Variants in TENM1 observed in about 807,000 individuals in gnomAD.
The protein encoded by TENM1 is teneurin transmembrane protein 1.
TENM1 carries 35 observed loss-of-function variants against 174.8 expected under a neutral mutation model. The ratio of observed to expected loss-of-function variants is 0.20; its 90% CI spans 0.15 to 0.27. The LOEUF is 0.27. Ranked by LOEUF, TENM1 falls within the 10% of genes least tolerant of loss-of-function variation. The probability of loss-of-function intolerance (pLI) is 1.00; values close to 1 mark genes in which losing one functional copy is unlikely to be tolerated. For missense variants in TENM1, 1,633 were observed against 2,130.1 expected (o/e 0.77, Z 4.59); for synonymous variants, 781 against 798.7 (o/e 0.98, Z 0.37).
Position 124,752,013 on chromosome X carries a change from G to C in TENM1, c.536-14816C>G, listed in dbSNP as rs1422988710. ...GTCCTTTGGGTATATACCCAGTAAT[G>C]GGATGGCTGGGTCAAATGGTATTTC... On this transcript the variant is annotated intron_variant, in intron 3 of 31. Transcript: ENST00000422452. 2.7e-5 allele frequency among the ~76,000 whole-genome samples: 3 copies of C among 110,403 alleles called. No homozygotes were observed. The East Asian group carries it at 8.6e-4, about 32-fold the overall frequency.
At chrX:124,946,320 C>T (rs1357817050) in intron 1 of TENM1, among the ~76,000 whole-genome samples, 1 of 111,776 alleles carries the variant, frequency 8.9e-6, no homozygotes, top group Non-Finnish European at 1.9e-5. Flanking sequence ...AAAAAATAAC[C>T]AGCTGGATAT....
Position 124,822,740 on chromosome X carries a change from C to T in TENM1, c.535+71556G>A, listed in dbSNP as rs145465308. 4.6e-3 allele frequency among the ~76,000 whole-genome samples: 511 copies of T among 111,676 alleles called. 2 individuals carry two copies. The highest frequency in any genetic ancestry group is 0.015 in the African/African-American group (471 of 30,789). On this transcript the variant is annotated intron_variant, in intron 3 of 31. Coordinates refer to ENST00000422452, the Ensembl canonical transcript of TENM1. ...TCTCAAGAAGTGCTTATTGACCGAG[C>T]GAAGGACTGGGACATTTGAGCTTCA...
At chrX:124,690,960 A>G (rs1402011098) in intron 5 of TENM1, among the ~76,000 whole-genome samples, 1 of 111,042 alleles carries the variant, frequency 9.0e-6, no homozygotes, top group Non-Finnish European at 1.9e-5. Flanking sequence ...AGACTAAGAC[A>G]TGCATATATG....
chrX:124,526,068 A>G (rs1205388219), intron 16 of TENM1, among the ~76,000 whole-genome samples: 2 of 111,600 alleles, frequency 1.8e-5, no homozygotes, highest in East Asian at 5.6e-4. Context: ...TTATATCTCT[A>G]TTGCCTAGGT....
chrX:125,046,569 A>T, the TENM1 span, among the ~76,000 whole-genome samples: 1 of 112,184 alleles, frequency 8.9e-6, no homozygotes, highest in Non-Finnish European at 1.9e-5. Context: ...TCTCTGCTAC[A>T]CGGATACAGA....
chrX:124,506,848 A>C (rs2843510), intron 18 of TENM1, among the ~76,000 whole-genome samples: 1 of 111,928 alleles, frequency 8.9e-6, no homozygotes, highest in Non-Finnish European at 1.9e-5. Context: ...AGCAGACTAT[A>C]ATGCACTAAA....
At chrX:125,091,142 G>A in the TENM1 span, among the ~76,000 whole-genome samples, 1 of 109,424 alleles carries the variant, frequency 9.1e-6, no homozygotes, top group Non-Finnish European at 1.9e-5. Flanking sequence ...TAAGGGACCT[G>A]CAACAAGAAA....
intron 29 of TENM1, 79 bp downstream of exon 32, chrX:124,385,594 TTCTA>T: frequency 1.1e-6 from 1 of 943,437 alleles, no homozygotes; most frequent in Non-Finnish European, 1.4e-6. Context: ...AGATTAATGC[TTCTA>T]TCTCACACTG....
intron 15 of TENM1, among the ~76,000 whole-genome samples, chrX:124,545,939 G>A (rs2048419250): frequency 8.9e-6 from 1 of 111,954 alleles, no homozygotes; most frequent in Non-Finnish European, 1.9e-5. Flanking sequence ...TGAAGGGAAG[G>A]GAGTTGAGAG....
intron 4 of TENM1, among the ~76,000 whole-genome samples, chrX:124,715,551 G>A (rs1236764988): frequency 9.0e-6 from 1 of 111,227 alleles, no homozygotes. Context: ...TTATACAGGA[G>A]GGGGTAGTGG....
intron 3 of TENM1, among the ~76,000 whole-genome samples, chrX:124,803,402 T>C: frequency 9.0e-6 from 1 of 111,591 alleles, no homozygotes; most frequent in African/African-American, 3.3e-5. Flanking sequence ...CTAAGCGCTC[T>C]TATCTCTTGC....
intron 5 of TENM1, among the ~76,000 whole-genome samples, chrX:124,686,851 A>C (rs1227790925): frequency 8.9e-6 from 1 of 111,987 alleles, no homozygotes; most frequent in African/African-American, 3.2e-5. Flanking sequence ...TTCCCTTTGA[A>C]AACCGACACA....
At chrX:124,773,138 C>T (rs927589081) in intron 3 of TENM1, among the ~76,000 whole-genome samples, 7 of 111,796 alleles carry the variant, frequency 6.3e-5, no homozygotes, top group African/African-American at 2.0e-4. Flanking sequence ...TTTAGTGATA[C>T]AATGGCAAGC....
At chrX:125,053,058 T>C in the TENM1 span, among the ~76,000 whole-genome samples, 6 of 112,008 alleles carry the variant, frequency 5.4e-5, no homozygotes, top group Non-Finnish European at 9.4e-5. Context: ...TAAGATAGTA[T>C]GTTGACATGA....
rs189864798 is a variant in TENM1 at position 124,940,271 on chromosome X, T to C, written c.217+23266A>G. 4.5e-5 allele frequency among the ~76,000 whole-genome samples: 5 copies of C among 111,873 alleles called. No individual in the cohort carries two copies. The Admixed American group carries it at 4.8e-4, about 11-fold the overall frequency. On this transcript the variant is annotated intron_variant, in intron 1 of 31. Transcript: ENST00000422452. ...TTGGACCCATTAAATACACTGCTTC[T>C]ATATCAGGGTGGTAAGAAGAGATGG...
intron 7 of TENM1, among the ~76,000 whole-genome samples, chrX:124,652,362 C>T (rs2051330395): frequency 9.0e-6 from 1 of 111,042 alleles, no homozygotes; most frequent in Admixed American, 9.6e-5. Flanking sequence ...GGTTTCAGAC[C>T]AGCCTGGGCA....
At chrX:125,187,221 T>C in the TENM1 span, among the ~76,000 whole-genome samples, 1 of 112,345 alleles carries the variant, frequency 8.9e-6, no homozygotes, top group Non-Finnish European at 1.9e-5. Flanking sequence ...GATTGCGCTG[T>C]TGCACGCCAG....
chrX:124,685,992 G>A (rs866511994), intron 5 of TENM1, among the ~76,000 whole-genome samples: 47 of 112,166 alleles, frequency 4.2e-4, no homozygotes, highest in African/African-American at 1.5e-3. Flanking sequence ...CCAGATGCAA[G>A]AAGCCCAAAG....
chrX:124,468,206 C>T (rs1016911370), intron 22 of TENM1, among the ~76,000 whole-genome samples: 2 of 109,528 alleles, frequency 1.8e-5, no homozygotes. Context: ...GATGGAGTCT[C>T]TCTCTGTCAC....
Sources: allele counts gnomAD v4.1 joint callset (sites outside exome capture counted in the v4.1 genomes callset), GRCh38; gene constraint gnomAD v4.1.1; transcripts MANE v1.5; gene names NCBI Gene and HGNC (gene_info 2026-07-23, HGNC 2026-07-21).